TMPRSS13: variants seen among roughly 807,000 people sequenced by gnomAD.
The protein encoded by TMPRSS13 is transmembrane protease serine 13.
A neutral mutation model predicts 68.4 loss-of-function variants in TMPRSS13; 50 were observed. The ratio of observed to expected loss-of-function variants is 0.73; its 90% CI spans 0.58 to 0.93. The LOEUF is 0.93. Ranked by LOEUF, TMPRSS13 falls within the 40% of genes least tolerant of loss-of-function variation. The pLI is 0.00. For missense variants in TMPRSS13, 615 were observed against 729.2 expected (o/e 0.84, Z 1.80); for synonymous variants, 267 against 285.8 (o/e 0.93, Z 0.66).
At position 117,910,768 on chromosome 11, in the gene TMPRSS13, G is replaced by C; in HGVS notation, c.903-18C>G. On this transcript the variant is annotated intron_variant, in intron 6 of 12. Coordinates refer to ENST00000524993, the MANE Select transcript of TMPRSS13 (RefSeq NM_001077263.3). ...ATTCAGACCTGCAGGGGGAGACACAGAAAGTGGGAAAAGGGCACATTAGCT... is the reference window on the plus strand; with the variant it reads ...ATTCAGACCTGCAGGGGGAGACACACAAAGTGGGAAAAGGGCACATTAGCT... The C allele has an allele frequency of 6.2e-7, 1 of 1,602,558 alleles. No individual in the cohort carries two copies.
intron 8 of TMPRSS13, among the ~76,000 whole-genome samples, chr11:117,909,009 G>A (rs1425516282): frequency 6.6e-6 from 1 of 152,152 alleles, no homozygotes; most frequent in African/African-American, 2.4e-5. Flanking sequence ...CAGTAATAAA[G>A]AGGGAAGGAT....
At position 117,918,616 on chromosome 11, in the gene TMPRSS13, CTGGAGATGCCT is replaced by C; in HGVS notation, c.233_243del (p.Gln78ArgfsTer42). Reference sequence around the variant, plus strand: ...GATGCCCGGGCTGGAGATGCCTGGGCTGGAGATGCCTGGGCTGGAGATGCCCGGCCTGGAGA... The same window carrying C: ...GATGCCCGGGCTGGAGATGCCTGGGCGGGCTGGAGATGCCCGGCCTGGAGA... On this transcript the variant is annotated frameshift_variant, in exon 2 of 13. Coordinates refer to ENST00000524993, the MANE Select transcript of TMPRSS13 (RefSeq NM_001077263.3). LOFTEE classifies it high-confidence loss of function. The C allele has an allele frequency of 3.3e-6, 5 of 1,537,910 alleles. No homozygotes were observed. Among genetic ancestry groups the C allele is most frequent in the Admixed American group, 1.9e-5 (1 of 53,180 alleles).
At position 117,915,919 on chromosome 11, in the gene TMPRSS13, A is replaced by C. The variant is rs146031559; in HGVS notation, c.556+1251T>G. Among the ~76,000 whole-genome samples, 41 of 152,268 alleles carry C rather than the reference A, an allele frequency of 2.7e-4. 1 individual carries two copies. The East Asian group carries it at 7.5e-3, about 28-fold the overall frequency. ...TGCCGAGGCCTTTATGTGCATTATGACAAAGACCACCCCACCCAGTCAGAC... is the reference window on the plus strand; with the variant it reads ...TGCCGAGGCCTTTATGTGCATTATGCCAAAGACCACCCCACCCAGTCAGAC... On this transcript the variant is annotated intron_variant, in intron 3 of 12. Coordinates refer to ENST00000524993, the MANE Select transcript of TMPRSS13 (RefSeq NM_001077263.3). This position sits in a 1 kb window ranked among gnomAD's most constrained non-coding sequence, Gnocchi z 4.9.
At chr11:117,911,946 C>T in intron 5 of TMPRSS13, 86 bp from the exon 6 acceptor site, 1 of 1,105,074 alleles carries the variant, frequency 9.0e-7, no homozygotes, top group Non-Finnish European at 1.3e-6. Context: ...CCCACCAGCC[C>T]TGCCGACAGA....
At chr11:117,917,296 G>C in intron 2 of TMPRSS13, 22 bp from the exon 3 acceptor site, 1 of 1,589,390 alleles carries the variant, frequency 6.3e-7, no homozygotes, top group Non-Finnish European at 8.6e-7. Context: ...GCGGCAGCAG[G>C]GGAATATGAG....
At chr11:117,908,139 C>A (rs2057482377) in intron 9 of TMPRSS13, 2 of 906,938 alleles carry the variant, frequency 2.2e-6, no homozygotes, top group Admixed American at 4.6e-5. Flanking sequence ...GTTCCAATCC[C>A]AGAGCTACCA....
rs2057573668 is a variant in TMPRSS13 at position 117,915,928 on chromosome 11, A to G, written c.556+1242T>C. 6.6e-6 allele frequency among the ~76,000 whole-genome samples: 1 copy of G among 151,990 alleles called. No homozygotes were observed. Among genetic ancestry groups the G allele is most frequent in the African/African-American group, 2.4e-5 (1 of 41,404 alleles). On this transcript the variant is annotated intron_variant, in intron 3 of 12. Transcript: ENST00000524993. This position sits in a 1 kb window ranked among gnomAD's most constrained non-coding sequence, Gnocchi z 4.9. The stretch of plus-strand genomic sequence containing the variant: ...CTTTATGTGCATTATGACAAAGACC[A>G]CCCCACCCAGTCAGACTGGTGGGGA...
In TMPRSS13 at chr11:117,908,918, G is replaced by C. The variant is rs2057492232; in HGVS notation, c.1110-134C>G. 5.9e-6 allele frequency: 5 copies of C among 846,204 alleles called. No individual in the cohort carries two copies. In the South Asian group the frequency reaches 8.9e-5, roughly 15 times the overall value. 52.4% of individuals were successfully genotyped at this position (846,204 alleles called of 1,614,324 possible). A position where few individuals can be genotyped will look rare whatever the true frequency, so the allele number is the denominator to read the frequency against. ...GGATGGATAAAATGACCTCTGGAGG[G>C]AACCCTCTATCTTATCCCTGGAGTC... On this transcript the variant is annotated intron_variant, in intron 8 of 12. Coordinates refer to ENST00000524993, the MANE Select transcript of TMPRSS13 (RefSeq NM_001077263.3).
chr11:117,917,125 C>T (rs371622784), intron 3 of TMPRSS13, 45 bp downstream of exon 3: 16 of 1,527,666 alleles, frequency 1.0e-5, no homozygotes, highest in Non-Finnish European at 1.4e-5. Context: ...CCCACTCTGC[C>T]CAGCAGTGCC....
intron 12 of TMPRSS13, among the ~76,000 whole-genome samples, chr11:117,902,699 G>A (rs527647559): frequency 6.6e-6 from 1 of 152,376 alleles, no homozygotes; most frequent in East Asian, 1.9e-4. Flanking sequence ...ATCCCTGGGA[G>A]AGGAGAGTGG....
At chr11:117,910,575 G>T in intron 7 of TMPRSS13, 132 bp downstream of exon 7, 1 of 837,980 alleles carries the variant, frequency 1.2e-6, no homozygotes, top group Non-Finnish European at 1.8e-6. Flanking sequence ...CAGCCCTGAA[G>T]CAGGCCTGCT....
In TMPRSS13 at chr11:117,910,099, C is replaced by T. The variant is rs2057506982; in HGVS notation, c.947-131G>A. ...AGGCAGCCCCATCCTGAAGGGCACCCACCCTTCCATGGACGGGCTTTGCTC... is the reference window on the plus strand; with the variant it reads ...AGGCAGCCCCATCCTGAAGGGCACCTACCCTTCCATGGACGGGCTTTGCTC... On this transcript the variant is annotated intron_variant, in intron 7 of 12. Transcript: ENST00000524993. 6 of 1,102,738 alleles carry T rather than the reference C, an allele frequency of 5.4e-6. No individual in the cohort carries two copies. The East Asian group carries it at 1.5e-4, about 28-fold the overall frequency. 68.3% of individuals were successfully genotyped at this position (1,102,738 alleles called of 1,614,324 possible).
intron 12 of TMPRSS13, 64 bp from the exon 13 acceptor site, chr11:117,902,329 A>G: frequency 6.3e-7 from 1 of 1,592,518 alleles, no homozygotes; most frequent in South Asian, 1.1e-5. Flanking sequence ...ACAGAAGCCC[A>G]AGGTTGGGGT....
In TMPRSS13 at chr11:117,915,751, T is replaced by C. The variant is rs2057571468; in HGVS notation, c.557-1237A>G. Among the ~76,000 whole-genome samples, 1 of 152,210 alleles carries C rather than the reference T, an allele frequency of 6.6e-6. No individual in the cohort carries two copies. Among genetic ancestry groups the C allele is most frequent in the African/African-American group, 2.4e-5 (1 of 41,454 alleles). Reference sequence around the variant, plus strand: ...TTCAGGAAATGCTGTGAAACCACGCTGAGAGCTTTAGTTCTATTCTGTGAG... The same window carrying C: ...TTCAGGAAATGCTGTGAAACCACGCCGAGAGCTTTAGTTCTATTCTGTGAG... On this transcript the variant is annotated intron_variant, in intron 3 of 12. Transcript: ENST00000524993. The surrounding 1 kb of genome is among the most constrained non-coding windows in gnomAD (Gnocchi z 4.9).
rs1033334938 is a variant in TMPRSS13 at position 117,918,282 on chromosome 11, A to AC, written c.451+126dup. 5 of 1,079,870 alleles carry AC rather than the reference A, an allele frequency of 4.6e-6. No homozygotes were observed. The South Asian group carries it at 5.0e-5, about 11-fold the overall frequency. 66.9% of individuals were successfully genotyped at this position (1,079,870 alleles called of 1,614,324 possible). A position where few individuals can be genotyped will look rare whatever the true frequency, so the allele number is the denominator to read the frequency against. ...TCCACCCTCAGGTCCCTCACTTCCC[A>AC]CCCCCCTACCTCCCCTTCCCCGCAT... On this transcript the variant is annotated intron_variant, in intron 2 of 12. Coordinates refer to ENST00000524993, the MANE Select transcript of TMPRSS13 (RefSeq NM_001077263.3).
At chr11:117,921,146 A>T (rs906140866) in intron 1 of TMPRSS13, among the ~76,000 whole-genome samples, 4 of 152,170 alleles carry the variant, frequency 2.6e-5, no homozygotes, top group African/African-American at 9.7e-5. Flanking sequence ...AACATGCCCA[A>T]ATTCACACAC....
rs1330339113 is a variant in TMPRSS13 at position 117,915,025 on chromosome 11, T to C, written c.557-511A>G. 6.6e-6 allele frequency among the ~76,000 whole-genome samples: 1 copy of C among 152,168 alleles called. No individual in the cohort carries two copies. Among genetic ancestry groups the C allele is most frequent in the African/African-American group, 2.4e-5 (1 of 41,430 alleles). On this transcript the variant is annotated intron_variant, in intron 3 of 12. Transcript: ENST00000524993. The surrounding 1 kb of genome is among the most constrained non-coding windows in gnomAD (Gnocchi z 4.9). ...CCAGCCTCAAAAGCTCCTAGGTTTTTTGCTTCTCCCTCTCCCCTGCGCAAG... is the reference window on the plus strand; with the variant it reads ...CCAGCCTCAAAAGCTCCTAGGTTTTCTGCTTCTCCCTCTCCCCTGCGCAAG...
chr11:117,914,543 C>T lies in TMPRSS13; in HGVS notation c.557-29G>A. 6.2e-7 allele frequency: 1 copy of T among 1,612,768 alleles called. No individual in the cohort carries two copies. The highest frequency in any genetic ancestry group is 1.1e-5 in the South Asian group (1 of 91,000). On this transcript the variant is annotated intron_variant, in intron 3 of 12. Coordinates refer to ENST00000524993, the MANE Select transcript of TMPRSS13 (RefSeq NM_001077263.3). The surrounding 1 kb of genome is among the most constrained non-coding windows in gnomAD (Gnocchi z 4.2). The stretch of plus-strand genomic sequence containing the variant: ...GAGAAAAAGAAGCAGACAGCTGGGT[C>T]ATGGCCAGCCCCACTGAGATGAGAC...
rs867084895 is a variant in TMPRSS13, at chr11:117,911,943, G to A, written c.810-83C>T. On this transcript the variant is annotated intron_variant, in intron 5 of 12. Transcript: ENST00000524993. ...CCTCCAGCAGGCTAGAGCCCCACCA[G>A]CCCTGCCGACAGAGGCCAGACTGTG... 1.3e-4 allele frequency: 145 copies of A among 1,137,606 alleles called. No individual in the cohort carries two copies. In the Middle Eastern group the frequency reaches 1.8e-3, roughly 14 times the overall value. 70.5% of individuals were successfully genotyped at this position (1,137,606 alleles called of 1,614,324 possible).
Sources: allele counts gnomAD v4.1 joint callset (sites outside exome capture counted in the v4.1 genomes callset), GRCh38; gene constraint gnomAD v4.1.1; non-coding constraint Gnocchi (gnomAD v3.1); transcripts MANE v1.5; gene names NCBI Gene and HGNC (gene_info 2026-07-23, HGNC 2026-07-21).